ARHGAP26: variants seen among roughly 807,000 people sequenced by gnomAD.
ARHGAP26 encodes the protein rho GTPase-activating protein 26.
Under a neutral mutation model 104.8 loss-of-function variants are expected in ARHGAP26, and 38 were observed. The observed-to-expected ratio is 0.36, with a 90% CI of 0.28 to 0.48. The LOEUF (loss-of-function observed/expected upper bound fraction) is 0.48, where lower values mean the gene tolerates loss of function less well. ARHGAP26 is among the 20% of genes least tolerant of loss of function. ARHGAP26 has a pLI of 0.99. For missense variants in ARHGAP26, 704 were observed against 947.9 expected (o/e 0.74, Z 3.38); for synonymous variants, 341 against 340.0 (o/e 1.00, Z -0.03).
intron 11 of ARHGAP26, among the ~76,000 whole-genome samples, chr5:142,950,283 C>G (rs1253040049): frequency 6.6e-6 from 1 of 152,072 alleles, no homozygotes; most frequent in East Asian, 1.9e-4. Flanking sequence ...TGTCTTCAGT[C>G]TCATCATGGG....
At chr5:142,966,087 G>A (rs1408737509) in intron 11 of ARHGAP26, among the ~76,000 whole-genome samples, 1 of 152,148 alleles carries the variant, frequency 6.6e-6, no homozygotes, top group Non-Finnish European at 1.5e-5. Flanking sequence ...CTATAAGGTT[G>A]GGATGGCAGA....
chr5:143,107,151 C>T (rs1274377675), intron 17 of ARHGAP26, among the ~76,000 whole-genome samples: 1 of 152,094 alleles, frequency 6.6e-6, no homozygotes, highest in African/African-American at 2.4e-5. Context: ...CATAGGTGTT[C>T]AGTCGGTATT....
chr5:142,808,010 C>T (rs965531589), intron 1 of ARHGAP26, among the ~76,000 whole-genome samples: 6 of 151,684 alleles, frequency 4.0e-5, no homozygotes, highest in Admixed American at 2.0e-4. Context: ...CCGAGGCGGG[C>T]GGATCACGAG....
chr5:143,133,916 T>C, intron 18 of ARHGAP26, 51 bp from the exon 19 acceptor site: 3 of 1,543,590 alleles, frequency 1.9e-6, no homozygotes, highest in Non-Finnish European at 2.6e-6. Flanking sequence ...AGGCCTGTTT[T>C]CTTCCCAGTC....
chr5:142,795,829 C>G (rs1040058212), intron 1 of ARHGAP26, among the ~76,000 whole-genome samples: 1 of 152,118 alleles, frequency 6.6e-6, no homozygotes, highest in Non-Finnish European at 1.5e-5. Context: ...TATTACCTAC[C>G]ACTTTGTACA....
chr5:142,803,755 G>A (rs1469089052), intron 1 of ARHGAP26, among the ~76,000 whole-genome samples: 3 of 152,168 alleles, frequency 2.0e-5, no homozygotes, highest in Non-Finnish European at 4.4e-5. Flanking sequence ...GGCTTTAATA[G>A]CAGGTAGGAA....
At position 142,903,431 on chromosome 5, in the gene ARHGAP26, T is replaced by G. The variant is rs928664737; in HGVS notation, c.703-109T>G. 1.0e-5 allele frequency: 13 copies of G among 1,267,300 alleles called. No homozygotes were observed. The African/African-American group carries it at 1.4e-4, about 13-fold the overall frequency. The allele number at this position is 1,267,300 out of a possible 1,614,324, so 78.5% of individuals were successfully genotyped here. On this transcript the variant is annotated intron_variant, in intron 7 of 22. Transcript: ENST00000645722. Reference sequence around the variant, plus strand: ...GAGTATTTGGCCAGTTCCTGGAAGGTTGAATGTCCTTTATCTCATTTTAGA... The same window carrying G: ...GAGTATTTGGCCAGTTCCTGGAAGGGTGAATGTCCTTTATCTCATTTTAGA...
intron 17 of ARHGAP26, among the ~76,000 whole-genome samples, chr5:143,075,111 T>C (rs1008566571): frequency 6.2e-4 from 94 of 152,354 alleles, no homozygotes; most frequent in African/African-American, 2.1e-3. Context: ...TGCTGGTTAC[T>C]TTTTAATTAT....
intron 1 of ARHGAP26, among the ~76,000 whole-genome samples, chr5:142,853,111 C>G (rs1394750714): frequency 6.6e-6 from 1 of 152,218 alleles, no homozygotes; most frequent in Non-Finnish European, 1.5e-5. Context: ...AGAAGAAGTA[C>G]TTAGACTCTG....
intron 20 of ARHGAP26, among the ~76,000 whole-genome samples, chr5:143,175,772 A>G (rs1803390303): frequency 1.3e-5 from 2 of 152,124 alleles, no homozygotes; most frequent in South Asian, 4.1e-4. Flanking sequence ...TTTTGTTTTT[A>G]GCCAATTTTG....
intron 17 of ARHGAP26, among the ~76,000 whole-genome samples, chr5:143,066,381 C>A (rs1787487151): frequency 6.6e-6 from 1 of 152,224 alleles, no homozygotes; most frequent in South Asian, 2.1e-4. Context: ...GACTATACTT[C>A]AAGTCTCTTC....
rs751288474 is a variant in ARHGAP26, at chr5:142,770,919, A to G, written c.154+4A>G. Reference sequence around the variant, plus strand: ...TCACTCATAAGCGCGCTCAAGAGTGAGTGTCCCGAGCCCCTCGGGGACGCG... The same window carrying G: ...TCACTCATAAGCGCGCTCAAGAGTGGGTGTCCCGAGCCCCTCGGGGACGCG... On this transcript the variant is annotated splice_donor_region_variant and intron_variant, in intron 1 of 22. Transcript: ENST00000645722. The G allele has an allele frequency of 2.5e-6, 4 of 1,603,544 alleles. No individual in the cohort carries two copies. The highest frequency in any genetic ancestry group is 3.4e-6 in the Non-Finnish European group (4 of 1,174,480).
chr5:142,985,117 G>A (rs1037924499), intron 11 of ARHGAP26, among the ~76,000 whole-genome samples: 7 of 152,012 alleles, frequency 4.6e-5, no homozygotes, highest in African/African-American at 1.5e-4. Flanking sequence ...GTTTGTGTTT[G>A]CGTCTTGGTT....
intron 20 of ARHGAP26, among the ~76,000 whole-genome samples, chr5:143,154,472 TCC>T (rs1159945329): frequency 6.6e-6 from 1 of 152,126 alleles, no homozygotes; most frequent in Admixed American, 6.6e-5. Context: ...TTTGGAGGGC[TCC>T]CCCCACAAAC....
chr5:142,847,187 G>A (rs1046237255), intron 1 of ARHGAP26, among the ~76,000 whole-genome samples: 1 of 152,190 alleles, frequency 6.6e-6, no homozygotes, highest in African/African-American at 2.4e-5. Context: ...AACAATGTTT[G>A]TAAATTTCAC....
At chr5:142,822,145 CTCT>C (rs1048243349) in intron 1 of ARHGAP26, among the ~76,000 whole-genome samples, 1 of 152,170 alleles carries the variant, frequency 6.6e-6, no homozygotes, top group African/African-American at 2.4e-5. Flanking sequence ...TCTCTTCTTC[CTCT>C]TCTTGCCTTT....
chr5:142,945,527 G>A (rs1766973928), intron 11 of ARHGAP26, among the ~76,000 whole-genome samples: 1 of 152,162 alleles, frequency 6.6e-6, no homozygotes, highest in South Asian at 2.1e-4. Context: ...TTGCTCATTT[G>A]ATTCAGAATT....
chr5:143,081,920 G>A lies in ARHGAP26; in HGVS notation c.1538+24173G>A, dbSNP rs575084392. On this transcript the variant is annotated intron_variant, in intron 17 of 22. Coordinates refer to ENST00000645722, the MANE Select transcript of ARHGAP26 (RefSeq NM_001135608.3). ...AGCTACTCGGGAGGCTGAGGCAGAA[G>A]AATGGCATGAACCCGGGAGGTGGAG... is the stretch of plus-strand genomic sequence containing the variant. 3.0e-4 allele frequency among the ~76,000 whole-genome samples: 44 copies of A among 148,060 alleles called. No individual in the cohort carries two copies. In the South Asian group the frequency reaches 9.2e-3, roughly 31 times the overall value.
intron 21 of ARHGAP26, chr5:143,207,545 C>T (rs1442976603): frequency 3.9e-6 from 6 of 1,552,970 alleles, no homozygotes; most frequent in Non-Finnish European, 2.6e-6. Context: ...GGGGCTGCCC[C>T]TGCTCTCCTG....
Sources: allele counts gnomAD v4.1 joint callset (sites outside exome capture counted in the v4.1 genomes callset), GRCh38; gene constraint gnomAD v4.1.1; transcripts MANE v1.5; gene names NCBI Gene and HGNC (gene_info 2026-07-23, HGNC 2026-07-21).